The following KCNC1 variants were observed in gnomAD, a reference collection of about 807,000 sequenced individuals.
The protein encoded by KCNC1 is voltage-gated potassium channel KCNC1.
KCNC1 carries 8 observed loss-of-function variants against 43.4 expected under a neutral mutation model. That is an observed-to-expected ratio of 0.18 (90% CI 0.11 to 0.33). The LOEUF (loss-of-function observed/expected upper bound fraction) is 0.33, where lower values mean the gene tolerates loss of function less well. KCNC1 is among the 10% of genes least tolerant of loss of function. The pLI is 1.00. For synonymous variants in KCNC1, 361 were observed against 360.5 expected (o/e 1.00, Z -0.01); for missense variants, 420 against 836.0 (o/e 0.50, Z 6.14).
chr11:17,779,216 T>C lies in KCNC1; in HGVS notation c.1505-240T>C. On this transcript the variant is annotated intron_variant, in intron 2 of 3. Transcript: ENST00000265969. The surrounding 1 kb of genome is among the most constrained non-coding windows in gnomAD (Gnocchi z 7.2). ...CACCAACTCATCTTTTTGCAAACTT[T>C]GAGCAAACCCAGGAGTCCCCACTCC... The C allele has an allele frequency of 2.3e-6, 1 of 436,624 alleles. No homozygotes were observed. 27.0% of individuals were successfully genotyped at this position (436,624 alleles called of 1,614,324 possible).
intron 2 of KCNC1, chr11:17,775,289 GCCCC>G: frequency 2.7e-6 from 1 of 372,254 alleles, no homozygotes; most frequent in South Asian, 1.2e-4. Flanking sequence ...CATCCCTCCC[GCCCC>G]CCCAGGCCAG....
Position 17,735,830 on chromosome 11 carries a change from C to G in KCNC1, c.-173C>G. 1.5e-6 allele frequency: 1 copy of G among 674,336 alleles called. No homozygotes were observed. The highest frequency in any genetic ancestry group is 2.2e-6 in the Non-Finnish European group (1 of 447,292). The allele number at this position is 674,336 out of a possible 1,614,324, so 41.8% of individuals were successfully genotyped here. A position where few individuals can be genotyped will look rare whatever the true frequency, so the allele number is the denominator to read the frequency against. ...CCTGGACCGGCACCCGACAAAGCGC[C>G]CGGAGAGGCTTGGCTCGCTCGTTGG... On this transcript the variant is annotated 5_prime_UTR_variant, in exon 1 of 4. Transcript: ENST00000265969. The surrounding 1 kb of genome is among the most constrained non-coding windows in gnomAD (Gnocchi z 6.7).
At position 17,735,710 on chromosome 11, in the gene KCNC1, T is replaced by C; in HGVS notation, c.-293T>C. 7.7e-6 allele frequency: 1 copy of C among 129,406 alleles called. No individual in the cohort carries two copies. Among genetic ancestry groups the C allele is most frequent in the South Asian group, 2.8e-4 (1 of 3,514 alleles). The allele number at this position is 129,406 out of a possible 1,614,324, so 8.0% of individuals were successfully genotyped here. On this transcript the variant is annotated 5_prime_UTR_variant, in exon 1 of 4. Coordinates refer to ENST00000265969, the MANE Select transcript of KCNC1 (RefSeq NM_001112741.2). This position sits in a 1 kb window ranked among gnomAD's most constrained non-coding sequence, Gnocchi z 6.7. ...CTCCCTCCCTTTCTCCCTCCCTTTC[T>C]CCCTCCCTTCTTTCCTCCTCTGCCT... is the stretch of plus-strand genomic sequence containing the variant.
In KCNC1 at chr11:17,771,252, A is replaced by T. The variant is rs61882395; in HGVS notation, c.571-413A>T. ...AAACTTCAGCCCCAGCAGGCTAGCT[A>T]AATGGGCAGGGTAGCTAAATGCCTT... On this transcript the variant is annotated intron_variant, in intron 1 of 3. Coordinates refer to ENST00000265969, the MANE Select transcript of KCNC1 (RefSeq NM_001112741.2). The surrounding 1 kb of genome is among the most constrained non-coding windows in gnomAD (Gnocchi z 4.7). Among the ~76,000 whole-genome samples, 105,761 of 152,020 alleles carry T rather than the reference A, an allele frequency of 0.7. 37,948 individuals carry two copies. Among genetic ancestry groups the T allele is most frequent in the East Asian group, 0.98 (5,059 of 5,166 alleles).
intron 1 of KCNC1, among the ~76,000 whole-genome samples, chr11:17,743,630 G>T (rs1325536573): frequency 6.6e-6 from 1 of 152,218 alleles, no homozygotes; most frequent in African/African-American, 2.4e-5. Context: ...TGCTTGTGCA[G>T]GGCGGCACAT....
intron 1 of KCNC1, among the ~76,000 whole-genome samples, chr11:17,766,892 G>A (rs1273117337): frequency 6.6e-6 from 1 of 151,188 alleles, no homozygotes; most frequent in Non-Finnish European, 1.5e-5. Flanking sequence ...GGCCGAGTCT[G>A]GCAGATCACC....
In KCNC1 at chr11:17,777,012, G is replaced by A; in HGVS notation, c.1505-2444G>A. ...AGCAGTAGGCCCTAGGGGTGTCCCGGGAATCCCCCAGGAGGGAAAGGTGCC... is the reference window on the plus strand; with the variant it reads ...AGCAGTAGGCCCTAGGGGTGTCCCGAGAATCCCCCAGGAGGGAAAGGTGCC... On this transcript the variant is annotated intron_variant, in intron 2 of 3. Coordinates refer to ENST00000265969, the MANE Select transcript of KCNC1 (RefSeq NM_001112741.2). The surrounding 1 kb of genome is among the most constrained non-coding windows in gnomAD (Gnocchi z 4.3). The A allele has an allele frequency of 2.0e-6, 2 of 985,418 alleles. No homozygotes were observed. The highest frequency in any genetic ancestry group is 2.4e-6 in the Non-Finnish European group (2 of 829,952). 61.0% of individuals were successfully genotyped at this position (985,418 alleles called of 1,614,324 possible).
chr11:17,765,066 C>G (rs957365926), intron 1 of KCNC1, among the ~76,000 whole-genome samples: 6 of 152,224 alleles, frequency 3.9e-5, no homozygotes, highest in African/African-American at 1.4e-4. Context: ...CACATGCCCC[C>G]ACTGCCCGCA....
Position 17,777,145 on chromosome 11 carries a change from G to A in KCNC1, c.1505-2311G>A, listed in dbSNP as rs1849296699. The A allele has an allele frequency of 2.0e-6, 2 of 984,808 alleles. No individual in the cohort carries two copies. Among genetic ancestry groups the A allele is most frequent in the Non-Finnish European group, 2.4e-6 (2 of 829,654 alleles). The allele number at this position is 984,808 out of a possible 1,614,324, so 61.0% of individuals were successfully genotyped here. On this transcript the variant is annotated intron_variant, in intron 2 of 3. Coordinates refer to ENST00000265969, the MANE Select transcript of KCNC1 (RefSeq NM_001112741.2). The surrounding 1 kb of genome is among the most constrained non-coding windows in gnomAD (Gnocchi z 4.3). ...ATTGTGAGAGCTGGGAGCCCCCAGG[G>A]CCTGGGGGCTTGTGGACAGAACCAG...
chr11:17,740,281 G>T (rs1848823321), intron 1 of KCNC1, among the ~76,000 whole-genome samples: 1 of 152,196 alleles, frequency 6.6e-6, no homozygotes, highest in Admixed American at 6.5e-5. Flanking sequence ...CTGGGTTGGG[G>T]GGTGGTGCCC....
At chr11:17,768,622 G>GT (rs1491463665) in intron 1 of KCNC1, among the ~76,000 whole-genome samples, 94 of 150,850 alleles carry the variant, frequency 6.2e-4, no homozygotes, top group Non-Finnish European at 7.3e-4. Context: ...TGGGGGGGGG[G>GT]GCGGTTTGGG....
chr11:17,761,730 C>T (rs1380162904), intron 1 of KCNC1, among the ~76,000 whole-genome samples: 2 of 152,156 alleles, frequency 1.3e-5, no homozygotes, highest in African/African-American at 2.4e-5. Flanking sequence ...CTTATCTGGC[C>T]CCATGGATCC....
intron 1 of KCNC1, among the ~76,000 whole-genome samples, chr11:17,760,104 C>T (rs765545835): frequency 6.6e-6 from 1 of 151,788 alleles, no homozygotes; most frequent in Non-Finnish European, 1.5e-5. Flanking sequence ...GCACCTAAGA[C>T]ACACCTACCA....
At chr11:17,759,675 G>T (rs10766434) in intron 1 of KCNC1, among the ~76,000 whole-genome samples, 1 of 151,892 alleles carries the variant, frequency 6.6e-6, no homozygotes, top group African/African-American at 2.4e-5. Flanking sequence ...AGGAGAGAGA[G>T]AGATGGGAGA....
At chr11:17,752,932 G>A (rs1232704966) in intron 1 of KCNC1, among the ~76,000 whole-genome samples, 2 of 152,222 alleles carry the variant, frequency 1.3e-5, no homozygotes, top group East Asian at 1.9e-4. Context: ...GGAGATGGTT[G>A]TGAAAAGTAG....
chr11:17,773,464 C>T lies in KCNC1; in HGVS notation c.1504+866C>T, dbSNP rs912686431. The T allele has an allele frequency of 1.8e-5, 18 of 984,746 alleles. No individual in the cohort carries two copies. In the Admixed American group the frequency reaches 3.1e-4, roughly 17 times the overall value. The allele number at this position is 984,746 out of a possible 1,614,324, so 61.0% of individuals were successfully genotyped here. ...CTACAGACCAGCAACAGCCTCCCACCGAGGGTTCTCCCCGTTTCCAGCGGT... is the reference window on the plus strand; with the variant it reads ...CTACAGACCAGCAACAGCCTCCCACTGAGGGTTCTCCCCGTTTCCAGCGGT... On this transcript the variant is annotated intron_variant, in intron 2 of 3. Transcript: ENST00000265969. This position sits in a 1 kb window ranked among gnomAD's most constrained non-coding sequence, Gnocchi z 4.1.
intron 1 of KCNC1, among the ~76,000 whole-genome samples, chr11:17,752,455 C>T (rs560912380): frequency 2.6e-5 from 4 of 152,346 alleles, no homozygotes; most frequent in African/African-American, 9.6e-5. Flanking sequence ...AACAAGGGAA[C>T]GTCTTCCCAT....
chr11:17,754,652 C>T (rs1183032351), intron 1 of KCNC1, among the ~76,000 whole-genome samples: 1 of 150,998 alleles, frequency 6.6e-6, no homozygotes, highest in Non-Finnish European at 1.5e-5. Context: ...AGGAAGGAGC[C>T]TCCTTTCCCC....
intron 2 of KCNC1, chr11:17,775,458 T>A (rs941532826): frequency 2.0e-6 from 2 of 985,126 alleles, no homozygotes; most frequent in Non-Finnish European, 2.4e-6. Flanking sequence ...CTGGGAGGGG[T>A]ATCAAGAATC....
Sources: gnomAD v4.1 joint callset for allele counts (sites outside exome capture counted in the v4.1 genomes callset) on GRCh38, gnomAD v4.1.1 for gene constraint, Gnocchi (gnomAD v3.1) non-coding constraint, MANE v1.5 for transcripts, NCBI Gene and HGNC (gene_info 2026-07-23, HGNC 2026-07-21) for gene names.